The following CCSER1 variants were observed in gnomAD, a reference collection of about 807,000 sequenced individuals.
CCSER1 encodes serine-rich coiled-coil domain-containing protein 1.
In CCSER1, 41 loss-of-function variants were observed where a neutral mutation model predicts 82.0. The observed-to-expected ratio is 0.50, with a 90% CI of 0.39 to 0.65. CCSER1 has a LOEUF of 0.65. Ranked by LOEUF, CCSER1 falls within the 30% of genes least tolerant of loss-of-function variation. The pLI is 0.00. For missense variants in CCSER1, 1,119 were observed against 1,064.2 expected, an observed-to-expected ratio of 1.05 and a Z score of -0.72; for synonymous variants, 414 against 383.9, an observed-to-expected ratio of 1.08 and a Z score of -0.92.
At chr4:90,463,299 C>A (rs1763177592) in intron 4 of CCSER1, among the ~76,000 whole-genome samples, 1 of 152,084 alleles carries the variant, frequency 6.6e-6, no homozygotes. Context: ...ACTATTACTT[C>A]AGAGCAGTTG....
intron 5 of CCSER1, among the ~76,000 whole-genome samples, chr4:90,585,268 G>A (rs1038216610): frequency 4.6e-5 from 7 of 152,256 alleles, no homozygotes; most frequent in Non-Finnish European, 8.8e-5. Context: ...CCTGGCTGGC[G>A]AAAACGTAAA....
At chr4:90,392,749 A>C (rs975429909) in intron 3 of CCSER1, among the ~76,000 whole-genome samples, 8 of 152,182 alleles carry the variant, frequency 5.3e-5, no homozygotes, top group African/African-American at 1.9e-4. Flanking sequence ...ATGTATTTTG[A>C]GTTACTCAAA....
At chr4:90,752,678 C>G (rs990435793) in intron 7 of CCSER1, among the ~76,000 whole-genome samples, 3 of 151,998 alleles carry the variant, frequency 2.0e-5, no homozygotes, top group African/African-American at 7.2e-5. Flanking sequence ...CCCCTACAGC[C>G]TCTTCTCCAG....
intron 9 of CCSER1, among the ~76,000 whole-genome samples, chr4:90,942,711 G>T (rs1003216031): frequency 1.3e-5 from 2 of 151,722 alleles, no homozygotes; most frequent in Admixed American, 1.3e-4. Flanking sequence ...TATGTAGGTA[G>T]CATAAGTATT....
At chr4:90,426,233 T>A (rs1277247522) in intron 4 of CCSER1, among the ~76,000 whole-genome samples, 3 of 152,244 alleles carry the variant, frequency 2.0e-5, no homozygotes, top group Non-Finnish European at 2.9e-5. Context: ...CCTGAAATGA[T>A]CTCTCTTCAT....
At chr4:90,529,643 G>C (rs1428759784) in intron 5 of CCSER1, among the ~76,000 whole-genome samples, 1 of 152,230 alleles carries the variant, frequency 6.6e-6, no homozygotes, top group East Asian at 1.9e-4. Context: ...GAAACTAGTT[G>C]TTTTTAGAGA....
At chr4:91,425,340 C>T (rs1039320745) in intron 10 of CCSER1, among the ~76,000 whole-genome samples, 1 of 151,938 alleles carries the variant, frequency 6.6e-6, no homozygotes, top group African/African-American at 2.4e-5. Context: ...ATTTCATTCC[C>T]ATCAGAATGT....
Position 91,474,803 on chromosome 4 carries a change from A to ACACACACATGTGTGTG in CCSER1, c.2218-123769_2218-123768insCACACACATGTGTGTG, listed in dbSNP as rs1560700684. Among the ~76,000 whole-genome samples, 228 of 94,078 alleles carry ACACACACATGTGTGTG rather than the reference A, an allele frequency of 2.4e-3. 3 individuals carry two copies. The highest frequency in any genetic ancestry group is 0.022 in the South Asian group (52 of 2,414). The allele number at this position is 94,078 out of a possible 152,430, so 61.7% of individuals were successfully genotyped here. On this transcript the variant is annotated intron_variant, in intron 10 of 10. Coordinates refer to ENST00000509176, the MANE Select transcript of CCSER1 (RefSeq NM_001145065.2). ...TATATTTGTGTATATATATATATAT[A>ACACACACATGTGTGTG]TATATATATACACACACACACACAC...
intron 3 of CCSER1, among the ~76,000 whole-genome samples, chr4:90,353,136 A>G (rs1238769796): frequency 2.0e-5 from 3 of 152,184 alleles, no homozygotes; most frequent in Non-Finnish European, 4.4e-5. Flanking sequence ...ATCTGAGGCT[A>G]TATCTTAAAT....
At chr4:91,132,427 G>A (rs1349429264) in intron 10 of CCSER1, among the ~76,000 whole-genome samples, 1 of 152,174 alleles carries the variant, frequency 6.6e-6, no homozygotes, top group Non-Finnish European at 1.5e-5. Context: ...ATATGCAAGT[G>A]CTAATATCAC....
intron 1 of CCSER1, among the ~76,000 whole-genome samples, chr4:90,291,103 T>A (rs911964684): frequency 7.3e-6 from 1 of 136,486 alleles, no homozygotes; most frequent in Admixed American, 6.9e-5. Context: ...ACAAGAGATA[T>A]CAGGTGCTTA....
intron 10 of CCSER1, among the ~76,000 whole-genome samples, chr4:91,192,159 T>C (rs1735049162): frequency 6.6e-6 from 1 of 152,224 alleles, no homozygotes; most frequent in South Asian, 2.1e-4. Context: ...CTGAATCTTT[T>C]CCTACCTCTG....
intron 7 of CCSER1, among the ~76,000 whole-genome samples, chr4:90,761,513 G>A (rs151113940): frequency 5.9e-5 from 9 of 152,220 alleles, no homozygotes; most frequent in African/African-American, 2.2e-4. Context: ...TTTGGCCTCC[G>A]AGTTATAGGA....
chr4:91,346,435 C>T (rs185861808), intron 10 of CCSER1, among the ~76,000 whole-genome samples: 6 of 152,172 alleles, frequency 3.9e-5, no homozygotes, highest in South Asian at 2.1e-4. Context: ...ATTAAAACTG[C>T]GGTTAATACT....
intron 1 of CCSER1, among the ~76,000 whole-genome samples, chr4:90,209,948 T>G (rs1242043971): frequency 1.3e-5 from 2 of 152,180 alleles, no homozygotes; most frequent in African/African-American, 4.8e-5. Flanking sequence ...TGCAGTACTT[T>G]AATCAGGCAG....
At chr4:91,380,800 T>C (rs1459795292) in intron 10 of CCSER1, among the ~76,000 whole-genome samples, 1 of 152,214 alleles carries the variant, frequency 6.6e-6, no homozygotes, top group Non-Finnish European at 1.5e-5. Context: ...TGATATTAGC[T>C]GGTTATTTTG....
Position 90,828,421 on chromosome 4 carries a change from G to A in CCSER1, c.2094+12576G>A, listed in dbSNP as rs541563401. Among the ~76,000 whole-genome samples the A allele has an allele frequency of 2.6e-3, 401 of 152,274 alleles. 3 individuals are homozygous for A. Among genetic ancestry groups the A allele is most frequent in the African/African-American group, 9.3e-3 (386 of 41,566 alleles). ...ATACAGAGTGAGAGAATGGTCAAAAGTGAGGAGAAGCACTAAATCCAAACA... is the reference window on the plus strand; with the variant it reads ...ATACAGAGTGAGAGAATGGTCAAAAATGAGGAGAAGCACTAAATCCAAACA... On this transcript the variant is annotated intron_variant, in intron 8 of 10. Coordinates refer to ENST00000509176, the MANE Select transcript of CCSER1 (RefSeq NM_001145065.2).
chr4:90,706,495 A>G (rs1739381075), intron 6 of CCSER1, among the ~76,000 whole-genome samples: 1 of 152,292 alleles, frequency 6.6e-6, no homozygotes, highest in African/African-American at 2.4e-5. Flanking sequence ...TAAAACCACA[A>G]CAAAAGTTAA....
chr4:90,404,359 C>A (rs373465083), intron 4 of CCSER1, among the ~76,000 whole-genome samples: 5 of 152,106 alleles, frequency 3.3e-5, no homozygotes, highest in Admixed American at 3.3e-4. Flanking sequence ...ATCCCTACCC[C>A]CACCTGGTGG....
Sources: gnomAD v4.1 joint callset for allele counts (sites outside exome capture counted in the v4.1 genomes callset) on GRCh38, gnomAD v4.1.1 for gene constraint, MANE v1.5 for transcripts, NCBI Gene and HGNC (gene_info 2026-07-23, HGNC 2026-07-21) for gene names.